PDE10A: variants seen among roughly 807,000 people sequenced by gnomAD.
PDE10A encodes the protein cAMP and cAMP-inhibited cGMP 3',5'-cyclic phosphodiesterase 10A.
Under a neutral mutation model 97.7 loss-of-function variants are expected in PDE10A, and 39 were observed. The observed-to-expected ratio is 0.40, with a 90% CI of 0.31 to 0.52. The LOEUF is 0.52. Ranked by LOEUF, PDE10A falls within the 20% of genes least tolerant of loss-of-function variation. The probability of loss-of-function intolerance (pLI) is 0.56; values close to 1 mark genes in which losing one functional copy is unlikely to be tolerated. For missense variants in PDE10A, 731 were observed against 1,047.8 expected (o/e 0.70, Z 4.17); for synonymous variants, 371 against 376.8 (o/e 0.98, Z 0.18).
chr6:165,834,710 G>A (rs1321999229), intron 1 of PDE10A, among the ~76,000 whole-genome samples: 4 of 147,586 alleles, frequency 2.7e-5, no homozygotes, highest in African/African-American at 1.0e-4. Context: ...TGGAGGCAGC[G>A]ACTCCAGGTG....
At chr6:165,536,401 C>G (rs1330490022) in intron 2 of PDE10A, among the ~76,000 whole-genome samples, 3 of 151,874 alleles carry the variant, frequency 2.0e-5, no homozygotes, top group African/African-American at 7.2e-5. Flanking sequence ...TTGGTCTGGA[C>G]AAAGATTTTT....
chr6:165,403,990 T>C (rs220782), intron 13 of PDE10A, among the ~76,000 whole-genome samples: 31,016 of 152,188 alleles, frequency 0.2, 3,287 homozygotes, highest in Middle Eastern at 0.3. Context: ...AAAAGGAATA[T>C]GTTCTATTGT....
At position 165,388,306 on chromosome 6, in the gene PDE10A, T is replaced by C; in HGVS notation, c.2602A>G (p.Ile868Val). The C allele has an allele frequency of 6.2e-7, 1 of 1,613,976 alleles. No individual in the cohort carries two copies. The highest frequency in any genetic ancestry group is 1.1e-5 in the South Asian group (1 of 91,064). The change falls in exon 17 of 22, where the codon ATC (isoleucine) becomes GTC (valine). Residue 868 changes from isoleucine (I) to valine (V), a missense_variant. By Grantham distance (29) the Ile-to-Val change is conservative. This residue lies in a region of PDE10A where 25 missense variants were observed against 83.7 expected (regional missense o/e 0.30). Coordinates refer to ENST00000539869, the MANE Select transcript of PDE10A (RefSeq NM_001385079.1). The surrounding 1 kb of genome is among the most constrained non-coding windows in gnomAD (Gnocchi z 4.0). ...EQHHFSQTVSILQLEGHNIFS... is the reference protein window; with the variant it reads ...EQHHFSQTVSVLQLEGHNIFS... ...GGCGTGCAGTGACTCACCTGGAGGA[T>C]GGACACAGTCTGGGAGAAGTGGTGC...
intron 1 of PDE10A, among the ~76,000 whole-genome samples, chr6:165,624,448 G>C (rs1788289453): frequency 6.6e-6 from 1 of 152,180 alleles, no homozygotes; most frequent in African/African-American, 2.4e-5. Flanking sequence ...ACAAAACTTT[G>C]AATGTAATTC....
At chr6:165,811,779 C>T (rs1207656853) in intron 1 of PDE10A, among the ~76,000 whole-genome samples, 9 of 152,218 alleles carry the variant, frequency 5.9e-5, no homozygotes, top group African/African-American at 1.4e-4. Flanking sequence ...TCACCACTTC[C>T]GTTGACTCAT....
intron 1 of PDE10A, among the ~76,000 whole-genome samples, chr6:165,766,943 G>T (rs6456012): frequency 0.99 from 151,372 of 152,374 alleles, 75,198 homozygotes; most frequent in Middle Eastern, 1. Context: ...CAAAAAGAGA[G>T]GCTAACTACT....
chr6:165,857,274 C>A (rs1473097794), intron 1 of PDE10A, among the ~76,000 whole-genome samples: 1 of 152,146 alleles, frequency 6.6e-6, no homozygotes, highest in Non-Finnish European at 1.5e-5. Flanking sequence ...AGAGTTTTGA[C>A]CCGGACCTGA....
chr6:165,526,287 G>A (rs566876909), intron 2 of PDE10A, among the ~76,000 whole-genome samples: 1 of 152,252 alleles, frequency 6.6e-6, no homozygotes, highest in African/African-American at 2.4e-5. Flanking sequence ...AATTAATGGA[G>A]CTTCAGCTCA....
intron 1 of PDE10A, among the ~76,000 whole-genome samples, chr6:165,553,813 G>C (rs1784126244): frequency 6.6e-6 from 1 of 152,064 alleles, no homozygotes; most frequent in Non-Finnish European, 1.5e-5. Context: ...CTACAAACTT[G>C]AGCTGCTCAA....
intron 3 of PDE10A, among the ~76,000 whole-genome samples, chr6:165,473,954 C>A (rs1451137263): frequency 6.6e-6 from 1 of 152,176 alleles, no homozygotes; most frequent in African/African-American, 2.4e-5. Context: ...AGGTAATGAA[C>A]AGATTCATAC....
At chr6:165,815,036 A>G (rs544443766) in intron 1 of PDE10A, among the ~76,000 whole-genome samples, 2 of 152,290 alleles carry the variant, frequency 1.3e-5, no homozygotes, top group African/African-American at 4.8e-5. Context: ...AAAAATGTCT[A>G]TGATTTTAAT....
At chr6:165,618,501 G>A (rs12211245) in intron 1 of PDE10A, among the ~76,000 whole-genome samples, 18,358 of 152,118 alleles carry the variant, frequency 0.12, 1,120 homozygotes, top group Middle Eastern at 0.15. Flanking sequence ...GACATGGCCC[G>A]CCCACCTTCA....
chr6:165,498,827 A>ATCTATAAGAC (rs1780702883), intron 2 of PDE10A, among the ~76,000 whole-genome samples: 1 of 152,220 alleles, frequency 6.6e-6, no homozygotes, highest in Non-Finnish European at 1.5e-5. Flanking sequence ...TTATTAGAGT[A>ATCTATAAGAC]CATGATTGCT....
At chr6:165,970,831 C>A (rs1297060441) in intron 1 of PDE10A, among the ~76,000 whole-genome samples, 1 of 150,998 alleles carries the variant, frequency 6.6e-6, no homozygotes, top group East Asian at 1.9e-4. Context: ...ATGAATTGGA[C>A]CCCATTATTC....
intron 1 of PDE10A, among the ~76,000 whole-genome samples, chr6:165,831,200 G>A (rs910108292): frequency 1.3e-4 from 19 of 151,168 alleles, no homozygotes; most frequent in African/African-American, 3.9e-4. Context: ...GTGAAACCCC[G>A]TCTCTACTAA....
At chr6:165,337,140 T>A (rs1482767713) in intron 20 of PDE10A, among the ~76,000 whole-genome samples, 1 of 152,174 alleles carries the variant, frequency 6.6e-6, no homozygotes, top group Non-Finnish European at 1.5e-5. Flanking sequence ...AAATCTGTAG[T>A]ATTTTAAATA....
intron 1 of PDE10A, among the ~76,000 whole-genome samples, chr6:165,770,814 A>G (rs1442023243): frequency 6.6e-6 from 1 of 152,224 alleles, no homozygotes; most frequent in Non-Finnish European, 1.5e-5. Context: ...GACTTCACCT[A>G]CAAGAGAAAA....
At chr6:165,646,362 A>G (rs553086845) in intron 1 of PDE10A, among the ~76,000 whole-genome samples, 19 of 152,378 alleles carry the variant, frequency 1.2e-4, no homozygotes, top group South Asian at 1.0e-3. Flanking sequence ...AGAAAATTCC[A>G]AAGTATTATG....
chr6:165,616,136 C>T (rs1449856920), intron 1 of PDE10A, among the ~76,000 whole-genome samples: 2 of 151,948 alleles, frequency 1.3e-5, no homozygotes, highest in African/African-American at 2.4e-5. Flanking sequence ...GTTGTGTTTC[C>T]GTCTCCTACT....
Sources: gnomAD v4.1 joint callset for allele counts (sites outside exome capture counted in the v4.1 genomes callset) on GRCh38, gnomAD v4.1.1 for gene constraint, gnomAD v4.1.1 regional missense constraint, Gnocchi (gnomAD v3.1) non-coding constraint, MANE v1.5 for transcripts, NCBI Gene and HGNC (gene_info 2026-07-23, HGNC 2026-07-21) for gene names.